APC2: variants seen among roughly 807,000 people sequenced by gnomAD.
APC2 encodes the protein adenomatous polyposis coli protein 2.
A neutral mutation model predicts 72.5 loss-of-function variants in APC2; 41 were observed. The ratio of observed to expected loss-of-function variants is 0.57; its 90% CI spans 0.44 to 0.73. The LOEUF is 0.73. APC2 is among the 30% of genes least tolerant of loss of function. The pLI is 0.00. For missense variants in APC2, 3,729 were observed against 3,403.4 expected (o/e 1.10, Z -2.38); for synonymous variants, 1,898 against 1,612.0 (o/e 1.18, Z -4.25).
Position 1,452,691 on chromosome 19 carries a change from C to T in APC2, c.-18-293C>T, listed in dbSNP as rs1463546872. The T allele has an allele frequency of 8.0e-6, 3 of 373,442 alleles. No homozygotes were observed. The highest frequency in any genetic ancestry group is 8.3e-5 in the Admixed American group (2 of 24,196). The allele number at this position is 373,442 out of a possible 1,614,324, so 23.1% of individuals were successfully genotyped here. A position where few individuals can be genotyped will look rare whatever the true frequency, so the allele number is the denominator to read the frequency against. On this transcript the variant is annotated intron_variant, in intron 1 of 14. Transcript: ENST00000590469. The surrounding 1 kb of genome is among the most constrained non-coding windows in gnomAD (Gnocchi z 5.1). ...GGCTGGGAAGGAGAGGCCGACCCATCGTCTGTCGGTCGACTGGTCAGTTGG... is the reference window on the plus strand; with the variant it reads ...GGCTGGGAAGGAGAGGCCGACCCATTGTCTGTCGGTCGACTGGTCAGTTGG...
rs1024880349 is a variant in APC2, at chr19:1,455,236, C to A, written c.501C>A (p.Asp167Glu). ...SQLQGLSKRLDELPHVETQFS... is the reference protein window; with the variant it reads ...SQLQGLSKRLEELPHVETQFS... ...TGCAGGGCCTGTCCAAGCGCCTGGACGAGCTGCCGCACGTGGAGACGGTGA... is the reference window on the plus strand; with the variant it reads ...TGCAGGGCCTGTCCAAGCGCCTGGAAGAGCTGCCGCACGTGGAGACGGTGA... The change falls in exon 5 of 15, where the codon GAC (aspartate) becomes GAA (glutamate). Residue 167 changes from aspartate (D) to glutamate (E), a missense_variant. Transcript: ENST00000590469. 3 of 1,577,458 alleles carry A rather than the reference C, an allele frequency of 1.9e-6. No individual in the cohort carries two copies. The highest frequency in any genetic ancestry group is 2.3e-5 in the South Asian group (2 of 85,850).
chr19:1,459,268 C>G (rs2656878), intron 10 of APC2, among the ~76,000 whole-genome samples: 100,495 of 151,968 alleles, frequency 0.66, 33,860 homozygotes, highest in African/African-American at 0.79. Context: ...GCAGTGGCGC[C>G]ATCTCGGCTC....
rs2084130375 is a variant in APC2 at position 1,471,335 on chromosome 19, G to C, written c.*1122G>C. ...CCAGAAACAGCACAGCTGGGGCGGG[G>C]ACCCAGCCTTGCCCTCCACCCGAGG... is the stretch of plus-strand genomic sequence containing the variant. On this transcript the variant is annotated 3_prime_UTR_variant, in exon 15 of 15. Coordinates refer to ENST00000590469, the MANE Select transcript of APC2 (RefSeq NM_005883.3). The C allele has an allele frequency of 6.6e-6, 1 of 152,316 alleles. No individual in the cohort carries two copies. The highest frequency in any genetic ancestry group is 1.5e-5 in the Non-Finnish European group (1 of 68,094). 9.4% of individuals were successfully genotyped at this position (152,316 alleles called of 1,614,324 possible).
intron 14 of APC2, 25 bp downstream of exon 14, chr19:1,462,202 A>G (rs1441476377): frequency 7.7e-7 from 1 of 1,292,894 alleles, no homozygotes; most frequent in Non-Finnish European, 1.0e-6. Flanking sequence ...CCCCACCCGC[A>G]CACAGGCAGC....
chr19:1,466,692 C>G lies in APC2; in HGVS notation c.3391C>G (p.Arg1131Gly). 5 of 1,516,964 alleles carry G rather than the reference C, an allele frequency of 3.3e-6. No individual in the cohort carries two copies. The highest frequency in any genetic ancestry group is 2.5e-5 in the East Asian group (1 of 40,816). The allele number at this position is 1,516,964 out of a possible 1,614,324, so 94.0% of individuals were successfully genotyped here. The change falls in exon 15 of 15, where the codon CGT becomes GGT. Residue 1131 changes from arginine (R) to glycine (G), a missense_variant. Transcript: ENST00000590469. Reference protein sequence around the residue: ...SLPVAIPAPRRNRGRGLGVED... With the variant: ...SLPVAIPAPRGNRGRGLGVED... ...GCCCGTAGCCATTCCGGCTCCCCGG[C>G]GTAACCGAGGCCGGGGCCTGGGGGT...
rs111280997 is a variant in APC2, at chr19:1,467,858, G to C, written c.4557G>C (p.Pro1519=). 43 of 1,547,766 alleles carry C rather than the reference G, an allele frequency of 2.8e-5. No individual in the cohort carries two copies. In the East Asian group the frequency reaches 1.0e-3, roughly 37 times the overall value. ...FYGNDSDEEP[P]AAAPTPTHRR... ...GCAACGACTCGGACGAGGAGCCCCC[G>C]GCGGCCGCGCCCACGCCAACCCACC... The change falls in exon 15 of 15, where the codon CCG becomes CCC. Residue 1519 remains proline (P), a synonymous_variant. Coordinates refer to ENST00000590469, the MANE Select transcript of APC2 (RefSeq NM_005883.3).
chr19:1,456,057 C>A lies in APC2; in HGVS notation c.640-19C>A. The A allele has an allele frequency of 6.5e-7, 1 of 1,545,650 alleles. No homozygotes were observed. The stretch of plus-strand genomic sequence containing the variant: ...GGCGGGGTCAGCTCCAGCACTTGCC[C>A]TCGTGTGGTCCTGAGCAGATCCGCG... On this transcript the variant is annotated intron_variant, in intron 6 of 14. Transcript: ENST00000590469.
At position 1,472,687 on chromosome 19, in the gene APC2, C is replaced by T. The variant is rs960547000; in HGVS notation, c.*2474C>T. 1 of 151,736 alleles carries T rather than the reference C, an allele frequency of 6.6e-6. No homozygotes were observed. Among genetic ancestry groups the T allele is most frequent in the African/African-American group, 2.4e-5 (1 of 41,294 alleles). 9.4% of individuals were successfully genotyped at this position (151,736 alleles called of 1,614,324 possible). A position where few individuals can be genotyped will look rare whatever the true frequency, so the allele number is the denominator to read the frequency against. ...ACCTCACCGCCCAGTCCAGCTGTCT[C>T]CAGAAGGGGACAGGCAGTCCGCGGT... On this transcript the variant is annotated 3_prime_UTR_variant, in exon 15 of 15. Coordinates refer to ENST00000590469, the MANE Select transcript of APC2 (RefSeq NM_005883.3).
chr19:1,450,914 C>T (rs1312721731), intron 1 of APC2, among the ~76,000 whole-genome samples: 8 of 152,196 alleles, frequency 5.3e-5, no homozygotes, highest in African/African-American at 1.2e-4. Flanking sequence ...GGCAACTGCA[C>T]GTGCAAAGGC....
At position 1,468,015 on chromosome 19, in the gene APC2, G is replaced by A. The variant is rs761649848; in HGVS notation, c.4714G>A (p.Glu1572Lys). The change falls in exon 15 of 15, where the codon GAG becomes AAG. Residue 1572 changes from glutamate (E) to lysine (K), a missense_variant. Physicochemically the swap from Glu to Lys is moderately conservative, Grantham distance 56. Transcript: ENST00000590469. ...GACCCAGCCCAGCCTCATTGCTGAC[G>A]AGACCCCGCCCTGCTACTCCCTGAG... ...ARTQPSLIAD[E>K]TPPCYSLSSS... 5 of 1,586,260 alleles carry A rather than the reference G, an allele frequency of 3.2e-6. No individual in the cohort carries two copies. The highest frequency in any genetic ancestry group is 1.4e-5 in the African/African-American group (1 of 72,488).
chr19:1,470,055 G>A lies in APC2; in HGVS notation c.6754G>A (p.Ala2252Thr). The A allele has an allele frequency of 6.3e-7, 1 of 1,581,952 alleles. No homozygotes were observed. Among genetic ancestry groups the A allele is most frequent in the Non-Finnish European group, 8.6e-7 (1 of 1,168,950 alleles). Residue 2252 changes from alanine (A) to threonine (T), a missense_variant, in exon 15 of 15, where the codon GCC (alanine) becomes ACC (threonine). Transcript: ENST00000590469. The stretch of plus-strand genomic sequence containing the variant: ...CTTCGTGCACGAGGGCCTGGGGGTC[G>A]CCGTGGGGGGCTTCCCCGCCAGCCG... ...APFVHEGLGV[A>T]VGGFPASRHG...
intron 11 of APC2, 128 bp downstream of exon 11, chr19:1,460,448 C>A (rs113493139): frequency 7.1e-7 from 1 of 1,415,302 alleles, no homozygotes; most frequent in Non-Finnish European, 9.7e-7. Flanking sequence ...AACTTACAGA[C>A]GGGTAGACTG....
intron 1 of APC2, among the ~76,000 whole-genome samples, chr19:1,450,761 A>T (rs1465938165): frequency 6.6e-6 from 1 of 152,174 alleles, no homozygotes; most frequent in East Asian, 1.9e-4. Context: ...GCCCCCAGTC[A>T]TGGTGCCTTC....
In APC2 at chr19:1,467,273, G is replaced by T. The variant is rs1304907804; in HGVS notation, c.3972G>T (p.Gly1324=). ...CAGGGCACCGGCGGCGGGAGGAGGG[G>T]CCGGCGCCCACGGGTTCTCGCCCTC... The part of the protein sequence containing the change: ...HFAGHRRREE[G]PAPTGSRPRG... The change falls in exon 15 of 15, where the codon GGG becomes GGT. Residue 1324 remains glycine, a synonymous_variant. Transcript: ENST00000590469. 1.5e-5 allele frequency: 20 copies of T among 1,308,754 alleles called. No individual in the cohort carries two copies. The highest frequency in any genetic ancestry group is 1.9e-5 in the Non-Finnish European group (20 of 1,033,838). The allele number at this position is 1,308,754 out of a possible 1,614,324, so 81.1% of individuals were successfully genotyped here.
intron 4 of APC2, among the ~76,000 whole-genome samples, chr19:1,454,273 G>A (rs1425078753): frequency 1.3e-5 from 2 of 152,200 alleles, no homozygotes; most frequent in African/African-American, 4.8e-5. Flanking sequence ...AAGCTGGAGG[G>A]AGGTTAGCAA....
At chr19:1,462,375 G>A (rs2083940507) in intron 14 of APC2, among the ~76,000 whole-genome samples, 198 bp downstream of exon 14, 1 of 152,152 alleles carries the variant, frequency 6.6e-6, no homozygotes, top group Non-Finnish European at 1.5e-5. Flanking sequence ...ATTACTTCAG[G>A]CCAGGTGCAG....
rs889578660 is a variant in APC2, at chr19:1,450,284, A to G, written c.-73A>G. 3.0e-6 allele frequency: 3 copies of G among 985,394 alleles called. No homozygotes were observed. Among genetic ancestry groups the G allele is most frequent in the South Asian group, 9.4e-5 (2 of 21,292 alleles). The allele number at this position is 985,394 out of a possible 1,614,324, so 61.0% of individuals were successfully genotyped here. ...TCCGGTGGGGCCCGCGGAGCCGCGCAGAGGGAGGAGGCCCCAGACCCAGGC... is the reference window on the plus strand; with the variant it reads ...TCCGGTGGGGCCCGCGGAGCCGCGCGGAGGGAGGAGGCCCCAGACCCAGGC... On this transcript the variant is annotated 5_prime_UTR_variant, in exon 1 of 15. Transcript: ENST00000590469.
chr19:1,468,900 C>A lies in APC2; in HGVS notation c.5599C>A (p.Arg1867Ser). The A allele has an allele frequency of 6.6e-7, 1 of 1,523,362 alleles. No homozygotes were observed. The highest frequency in any genetic ancestry group is 8.8e-7 in the Non-Finnish European group (1 of 1,142,528). 94.4% of individuals were successfully genotyped at this position (1,523,362 alleles called of 1,614,324 possible). The stretch of plus-strand genomic sequence containing the variant: ...CCCCAGAAGCGCCACACCGCCCGCC[C>A]GCCTCGCCAAGACCCCCTCCTCCAG... ...QPPRSATPPARLAKTPSSSSS... is the reference protein window; with the variant it reads ...QPPRSATPPASLAKTPSSSSS... Residue 1867 changes from arginine to serine, a missense_variant, in exon 15 of 15, where the codon CGC becomes AGC. Transcript: ENST00000590469.
chr19:1,457,992 G>C lies in APC2; in HGVS notation c.1235G>C (p.Cys412Ser). 1 of 1,562,954 alleles carries C rather than the reference G, an allele frequency of 6.4e-7. No individual in the cohort carries two copies. The highest frequency in any genetic ancestry group is 1.9e-5 in the Admixed American group (1 of 52,066). Reference sequence around the variant, plus strand: ...CCGATCCCCATCGAGCCGCAGATCTGCCAGGCCACCTGTGCTGTTATGAAG... The same window carrying C: ...CCGATCCCCATCGAGCCGCAGATCTCCCAGGCCACCTGTGCTGTTATGAAG... ...SAPIPIEPQI[C>S]QATCAVMKLS... The change falls in exon 10 of 15, where the codon TGC (cysteine) becomes TCC (serine). Residue 412 changes from cysteine to serine, a missense_variant. Transcript: ENST00000590469.
Sources: gnomAD v4.1 joint callset for allele counts (sites outside exome capture counted in the v4.1 genomes callset) on GRCh38, gnomAD v4.1.1 for gene constraint, Gnocchi (gnomAD v3.1) non-coding constraint, MANE v1.5 for transcripts, NCBI Gene and HGNC (gene_info 2026-07-23, HGNC 2026-07-21) for gene names.